The following RAP1GAP variants were observed in gnomAD, a reference collection of about 807,000 sequenced individuals.
The protein encoded by RAP1GAP is RAP1 GTPase activating protein.
In RAP1GAP, 35 loss-of-function variants were observed where a neutral mutation model predicts 87.2. The observed-to-expected ratio is 0.40, with a 90% CI of 0.31 to 0.53. The LOEUF (loss-of-function observed/expected upper bound fraction) is 0.53. RAP1GAP is among the 20% of genes least tolerant of loss of function. The probability of loss-of-function intolerance (pLI) is 0.48; values close to 1 mark genes in which losing one functional copy is unlikely to be tolerated. For synonymous variants in RAP1GAP, 375 were observed against 363.9 expected (o/e 1.03, Z -0.35); for missense variants, 734 against 898.9 (o/e 0.82, Z 2.35).
intron 2 of RAP1GAP, among the ~76,000 whole-genome samples, chr1:21,645,468 A>G (rs2095955627): frequency 6.6e-6 from 1 of 152,172 alleles, no homozygotes; most frequent in Non-Finnish European, 1.5e-5. Context: ...TGACAGAGTG[A>G]GACCCTGTCT....
At chr1:21,651,289 T>C (rs2096539936) in intron 1 of RAP1GAP, 1 of 398,582 alleles carries the variant, frequency 2.5e-6, no homozygotes, top group African/African-American at 2.1e-5. Context: ...GCTTCTAGAG[T>C]CCCTTTATCC....
intron 2 of RAP1GAP, among the ~76,000 whole-genome samples, chr1:21,639,994 G>A (rs2095357948): frequency 6.6e-6 from 1 of 152,178 alleles, no homozygotes; most frequent in South Asian, 2.1e-4. Flanking sequence ...GCCGCAAGCA[G>A]GATCCAGACG....
chr1:21,618,429 G>T (rs1243163587), intron 5 of RAP1GAP, among the ~76,000 whole-genome samples: 1 of 152,118 alleles, frequency 6.6e-6, no homozygotes, highest in Non-Finnish European at 1.5e-5. Flanking sequence ...GTCTTCTAGG[G>T]TCTCTGGGAT....
At chr1:21,605,853 C>T (rs1403446866) in intron 18 of RAP1GAP, among the ~76,000 whole-genome samples, 2 of 152,212 alleles carry the variant, frequency 1.3e-5, no homozygotes, top group African/African-American at 4.8e-5. Context: ...TGGGAAGGGG[C>T]TGCAGGCTGC....
At chr1:21,656,111 A>C (rs2096848382) in intron 1 of RAP1GAP, among the ~76,000 whole-genome samples, 1 of 151,800 alleles carries the variant, frequency 6.6e-6, no homozygotes. Flanking sequence ...CATATGTTAA[A>C]CCCCTATTCT....
At chr1:21,616,864 C>T (rs1373810917) in intron 7 of RAP1GAP, among the ~76,000 whole-genome samples, 1 of 152,224 alleles carries the variant, frequency 6.6e-6, no homozygotes, top group African/African-American at 2.4e-5. Flanking sequence ...CCTGACTGAG[C>T]ACTTACTTTG....
chr1:21,617,280 C>G, intron 7 of RAP1GAP, 26 bp downstream of exon 7: 1 of 1,552,676 alleles, frequency 6.4e-7, no homozygotes, highest in Non-Finnish European at 8.7e-7. Flanking sequence ...CCCCAGCCAG[C>G]CCCGCTGCAC....
rs551808088 is a variant in RAP1GAP at position 21,654,319 on chromosome 1, C to T, written c.-148-4523G>A. On this transcript the variant is annotated intron_variant, in intron 1 of 24. Transcript: ENST00000374765. ...TTGAGGCATGTGCTTATATCCTCAC[C>T]GTTGAAGGCTAAAATCTCAGCTCTC... 2.6e-5 allele frequency among the ~76,000 whole-genome samples: 4 copies of T among 152,332 alleles called. No individual in the cohort carries two copies. In the East Asian group the frequency reaches 5.8e-4, roughly 22 times the overall value.
intron 1 of RAP1GAP, among the ~76,000 whole-genome samples, chr1:21,664,894 G>A (rs1023329005): frequency 1.3e-5 from 2 of 152,194 alleles, no homozygotes; most frequent in African/African-American, 4.8e-5. Flanking sequence ...CAGCCAGTAT[G>A]TCTGGCCTCG....
intron 1 of RAP1GAP, among the ~76,000 whole-genome samples, chr1:21,659,181 A>G (rs1431694562): frequency 2.0e-5 from 3 of 152,032 alleles, no homozygotes; most frequent in African/African-American, 7.3e-5. Context: ...TTGGGATAAC[A>G]GGCGTGAACC....
intron 2 of RAP1GAP, among the ~76,000 whole-genome samples, chr1:21,631,011 C>T (rs541392174): frequency 6.6e-6 from 1 of 152,262 alleles, no homozygotes; most frequent in African/African-American, 2.4e-5. Flanking sequence ...CCCCTTCTTC[C>T]TCTGGCCTCT....
chr1:21,642,668 G>A (rs2095628919), intron 2 of RAP1GAP, among the ~76,000 whole-genome samples: 1 of 152,140 alleles, frequency 6.6e-6, no homozygotes, highest in Non-Finnish European at 1.5e-5. Flanking sequence ...GTGGCTGGGG[G>A]GTTCAGAGCC....
In RAP1GAP at chr1:21,609,492, C is replaced by A; in HGVS notation, c.1071+83G>T. 1 of 801,256 alleles carries A rather than the reference C, an allele frequency of 1.2e-6. No homozygotes were observed. Among genetic ancestry groups the A allele is most frequent in the Non-Finnish European group, 1.8e-6 (1 of 542,624 alleles). 49.6% of individuals were successfully genotyped at this position (801,256 alleles called of 1,614,324 possible). ...CTGGCATACAATGAGACTTTGGGAC[C>A]TCATAAGGCAGAATGTGTATGCACC... On this transcript the variant is annotated intron_variant, in intron 15 of 24. Transcript: ENST00000374765. This position sits in a 1 kb window ranked among gnomAD's most constrained non-coding sequence, Gnocchi z 4.4.
At chr1:21,624,298 A>T (rs1201395137) in intron 3 of RAP1GAP, among the ~76,000 whole-genome samples, 1 of 152,200 alleles carries the variant, frequency 6.6e-6, no homozygotes, top group African/African-American at 2.4e-5. Context: ...AATGACGCTG[A>T]TAAGAGCTCA....
At chr1:21,649,690 G>A (rs938687384) in intron 2 of RAP1GAP, 71 bp downstream of exon 2, 6 of 1,480,102 alleles carry the variant, frequency 4.1e-6, no homozygotes, top group Non-Finnish European at 5.5e-6. Flanking sequence ...GCAGGGGTAG[G>A]AATGGATTGG....
intron 1 of RAP1GAP, among the ~76,000 whole-genome samples, chr1:21,655,550 T>C (rs2096826927): frequency 6.6e-6 from 1 of 152,276 alleles, no homozygotes; most frequent in Non-Finnish European, 1.5e-5. Context: ...GGGTGCTTGC[T>C]GACTGGCACT....
At chr1:21,620,867 C>CCA (rs2086789986) in intron 3 of RAP1GAP, among the ~76,000 whole-genome samples, 1 of 152,074 alleles carries the variant, frequency 6.6e-6, no homozygotes, top group Non-Finnish European at 1.5e-5. Context: ...CTCTCTCTCT[C>CCA]TCTCCATCTT....
chr1:21,649,881 A>G, intron 1 of RAP1GAP, 85 bp from the exon 2 acceptor site: 8 of 1,372,226 alleles, frequency 5.8e-6, no homozygotes, highest in Non-Finnish European at 7.1e-6. Flanking sequence ...CCTGCACTGC[A>G]CCACCCTCCC....
chr1:21,601,801 C>T lies in RAP1GAP; in HGVS notation c.1539-4G>A, dbSNP rs547009216. On this transcript the variant is annotated splice_region_variant and splice_polypyrimidine_tract_variant and intron_variant, in intron 19 of 24. Coordinates refer to ENST00000374765, the MANE Select transcript of RAP1GAP (RefSeq NM_002885.4). The stretch of plus-strand genomic sequence containing the variant: ...CTGACCAGCCGGAGGGCTCTCCCTG[C>T]GGGGCACACGGGGGCAGCGGGGGGA... 1.3e-5 allele frequency: 20 copies of T among 1,586,176 alleles called. No individual in the cohort carries two copies. Among genetic ancestry groups the T allele is most frequent in the East Asian group, 4.5e-5 (2 of 44,548 alleles).
Sources: allele counts gnomAD v4.1 joint callset (sites outside exome capture counted in the v4.1 genomes callset), GRCh38; gene constraint gnomAD v4.1.1; non-coding constraint Gnocchi (gnomAD v3.1); transcripts MANE v1.5; gene names NCBI Gene and HGNC (gene_info 2026-07-23, HGNC 2026-07-21).